The following NEO1 variants were observed in gnomAD, a reference collection of about 807,000 sequenced individuals.
NEO1 encodes the protein neogenin 1.
In NEO1, 63 loss-of-function variants were observed where a neutral mutation model predicts 159.7. The observed-to-expected ratio is 0.39, with a 90% CI of 0.32 to 0.49. The LOEUF is 0.49. NEO1 is among the 20% of genes least tolerant of loss of function. NEO1 has a pLI of 0.85. For missense variants in NEO1, 1,615 were observed against 1,831.0 expected (o/e 0.88, Z 2.15); for synonymous variants, 633 against 662.0 (o/e 0.96, Z 0.67).
intron 7 of NEO1, among the ~76,000 whole-genome samples, chr15:73,227,036 A>G (rs2038628285): frequency 6.6e-6 from 1 of 152,210 alleles, no homozygotes; most frequent in African/African-American, 2.4e-5. Flanking sequence ...AGAAACTTTC[A>G]AATACATGTA....
At chr15:73,148,330 A>T (rs1185080729) in intron 5 of NEO1, among the ~76,000 whole-genome samples, 1 of 152,142 alleles carries the variant, frequency 6.6e-6, no homozygotes, top group Non-Finnish European at 1.5e-5. Context: ...CTTCAATTTT[A>T]GTTAGGTTCC....
rs568521342 is a variant in NEO1 at position 73,303,446 on chromosome 15, G to C, written c.*750G>C. 2.0e-5 allele frequency: 3 copies of C among 148,664 alleles called. No homozygotes were observed. In the South Asian group the frequency reaches 6.8e-4, roughly 34 times the overall value. 9.2% of individuals were successfully genotyped at this position (148,664 alleles called of 1,614,324 possible). A position where few individuals can be genotyped will look rare whatever the true frequency, so the allele number is the denominator to read the frequency against. On this transcript the variant is annotated 3_prime_UTR_variant, in exon 29 of 29. Coordinates refer to ENST00000261908, the MANE Select transcript of NEO1 (RefSeq NM_002499.4). ...ATTGAATGAAATGTAACATTGAAAAGACTTGTTTGTTGCTTTCTGTGCAGT... is the reference window on the plus strand; with the variant it reads ...ATTGAATGAAATGTAACATTGAAAACACTTGTTTGTTGCTTTCTGTGCAGT...
At chr15:73,279,350 G>GTT (rs1567679061) in intron 22 of NEO1, among the ~76,000 whole-genome samples, 45 of 58,162 alleles carry the variant, frequency 7.7e-4, no homozygotes, top group Non-Finnish European at 1.6e-3. Context: ...TTTTGGTTTT[G>GTT]GTTTTTTTTT....
chr15:73,157,076 C>A (rs369737470), intron 5 of NEO1, among the ~76,000 whole-genome samples: 10 of 152,292 alleles, frequency 6.6e-5, no homozygotes, highest in African/African-American at 2.2e-4. Flanking sequence ...GGCAGCAGAT[C>A]AGCCTGTTCA....
intron 26 of NEO1, among the ~76,000 whole-genome samples, chr15:73,295,081 C>T (rs1185846556): frequency 6.9e-6 from 1 of 144,962 alleles, no homozygotes; most frequent in Admixed American, 7.1e-5. Context: ...GAGTTTGTGA[C>T]CAGCCTGGGC....
chr15:73,126,596 T>C, intron 4 of NEO1, 26 bp downstream of exon 4: 1 of 1,602,240 alleles, frequency 6.2e-7, no homozygotes, highest in Admixed American at 1.7e-5. Flanking sequence ...CTAAAAGCCT[T>C]CTTCAGCCTT....
At chr15:73,063,393 G>A (rs1366170238) in intron 1 of NEO1, among the ~76,000 whole-genome samples, 1 of 151,768 alleles carries the variant, frequency 6.6e-6, no homozygotes, top group African/African-American at 2.4e-5. Flanking sequence ...TGTTATTATT[G>A]TCGTTTTTAT....
At chr15:73,057,881 CATAA>C (rs2151221716) in intron 1 of NEO1, among the ~76,000 whole-genome samples, 1 of 152,108 alleles carries the variant, frequency 6.6e-6, no homozygotes, top group African/African-American at 2.4e-5. Context: ...TTTAAAAATA[CATAA>C]ATATATGTTT....
intron 1 of NEO1, among the ~76,000 whole-genome samples, chr15:73,077,318 A>C (rs1047941148): frequency 6.6e-6 from 1 of 152,226 alleles, no homozygotes; most frequent in African/African-American, 2.4e-5. Context: ...TGCTGGGATA[A>C]CAGGCATGAG....
At chr15:73,145,009 T>A (rs2032765422) in intron 5 of NEO1, among the ~76,000 whole-genome samples, 3 of 152,208 alleles carry the variant, frequency 2.0e-5, no homozygotes, top group Non-Finnish European at 4.4e-5. Context: ...TCTAACCTGG[T>A]CTCTCCTCAA....
intron 5 of NEO1, among the ~76,000 whole-genome samples, chr15:73,151,889 A>G (rs1196721988): frequency 6.6e-6 from 1 of 152,210 alleles, no homozygotes; most frequent in African/African-American, 2.4e-5. Flanking sequence ...GCAAAAGAAC[A>G]ATCTCATGTG....
At chr15:73,273,766 A>G in intron 19 of NEO1, 45 bp from the exon 20 acceptor site, 5 of 1,500,444 alleles carry the variant, frequency 3.3e-6, no homozygotes, top group Non-Finnish European at 3.6e-6. Context: ...AGGCAAAAGG[A>G]AAAGCAGGAG....
intron 22 of NEO1, among the ~76,000 whole-genome samples, chr15:73,282,692 G>A (rs1394412051): frequency 1.3e-5 from 2 of 152,180 alleles, no homozygotes; most frequent in African/African-American, 4.8e-5. Flanking sequence ...ACCTTTGAAA[G>A]CTCTTGAATG....
intron 2 of NEO1, among the ~76,000 whole-genome samples, chr15:73,122,045 A>AGG (rs146416615): frequency 0.23 from 30,197 of 128,814 alleles, 3,820 homozygotes; most frequent in African/African-American, 0.38. Flanking sequence ...GGAAATATAT[A>AGG]GGGGTGTGTG....
chr15:73,138,127 A>G (rs2031961913), intron 5 of NEO1, among the ~76,000 whole-genome samples: 2 of 152,202 alleles, frequency 1.3e-5, no homozygotes, highest in South Asian at 4.1e-4. Context: ...ACAATAATGT[A>G]TAATTATATA....
intron 8 of NEO1, among the ~76,000 whole-genome samples, chr15:73,243,139 G>A (rs1216677494): frequency 6.6e-6 from 1 of 152,142 alleles, no homozygotes; most frequent in African/African-American, 2.4e-5. Context: ...TTTTCCAGGG[G>A]ACCTAGCTGA....
At chr15:73,161,751 T>G (rs1187445482) in intron 5 of NEO1, 1 of 250,282 alleles carries the variant, frequency 4.0e-6, no homozygotes, top group African/African-American at 2.3e-5. Flanking sequence ...GAAACATTTT[T>G]AAAACTGCTT....
intron 1 of NEO1, among the ~76,000 whole-genome samples, chr15:73,061,524 G>A (rs2067978436): frequency 6.6e-6 from 1 of 152,138 alleles, no homozygotes; most frequent in Non-Finnish European, 1.5e-5. Flanking sequence ...GGCAGGGTAT[G>A]GTTCCTACCC....
intron 5 of NEO1, among the ~76,000 whole-genome samples, chr15:73,154,857 T>TA (rs2033659755): frequency 6.6e-6 from 1 of 152,236 alleles, no homozygotes; most frequent in Non-Finnish European, 1.5e-5. Context: ...TTAACATTGA[T>TA]ATGTGAGGTT....
Sources: allele counts gnomAD v4.1 joint callset (sites outside exome capture counted in the v4.1 genomes callset), GRCh38; gene constraint gnomAD v4.1.1; transcripts MANE v1.5; gene names NCBI Gene and HGNC (gene_info 2026-07-23, HGNC 2026-07-21).